The following RAB6B variants were observed in gnomAD, a reference collection of about 807,000 sequenced individuals.
RAB6B encodes RAB6B, member RAS oncogene family, also known as ras-related protein Rab-6B.
In RAB6B, 7 loss-of-function variants were observed where a neutral mutation model predicts 31.2. That is an observed-to-expected ratio of 0.22 (90% confidence interval 0.13 to 0.42). The LOEUF (loss-of-function observed/expected upper bound fraction) is 0.42, where lower values mean the gene tolerates loss of function less well. Among genes scored for constraint, RAB6B ranks in the 10% least tolerant of loss-of-function variants. The pLI, the probability that RAB6B is intolerant of heterozygous loss-of-function variation, is 1.00. For synonymous variants in RAB6B, 105 were observed against 104.9 expected (o/e 1.00, Z -0.01); for missense variants, 149 against 280.6 (o/e 0.53, Z 3.35).
At chr3:133,837,744 C>T (rs891662323) in intron 6 of RAB6B, among the ~76,000 whole-genome samples, 1 of 152,196 alleles carries the variant, frequency 6.6e-6, no homozygotes, top group Non-Finnish European at 1.5e-5. Flanking sequence ...TTGCCCTCCA[C>T]AGCCCTGAGC....
At chr3:133,865,700 A>T (rs1936228843) in intron 1 of RAB6B, among the ~76,000 whole-genome samples, 1 of 152,108 alleles carries the variant, frequency 6.6e-6, no homozygotes, top group African/African-American at 2.4e-5. Context: ...TCACCCTCCC[A>T]TTTCCCAGGC....
At chr3:133,835,615 T>A (rs1935723919) in intron 6 of RAB6B, among the ~76,000 whole-genome samples, 2 of 151,986 alleles carry the variant, frequency 1.3e-5, no homozygotes, top group Non-Finnish European at 2.9e-5. Flanking sequence ...CACAGAAGAC[T>A]CTGAACTGCT....
At chr3:133,873,221 A>T (rs542563156) in intron 1 of RAB6B, among the ~76,000 whole-genome samples, 1 of 152,346 alleles carries the variant, frequency 6.6e-6, no homozygotes, top group African/African-American at 2.4e-5. Context: ...TGTCATCACG[A>T]AAACTAAGAT....
chr3:133,866,937 T>C (rs9835459), intron 1 of RAB6B, among the ~76,000 whole-genome samples: 50,778 of 152,240 alleles, frequency 0.33, 9,906 homozygotes, highest in Non-Finnish European at 0.46. Flanking sequence ...GCATCAGGGA[T>C]CAGGGTGGGG....
intron 1 of RAB6B, among the ~76,000 whole-genome samples, chr3:133,878,101 G>A (rs1936420496): frequency 6.6e-6 from 1 of 152,080 alleles, no homozygotes; most frequent in Non-Finnish European, 1.5e-5. Context: ...GTCTTCAAAG[G>A]ATGAAGGGAG....
At chr3:133,865,411 T>G (rs1052196082) in intron 1 of RAB6B, among the ~76,000 whole-genome samples, 1 of 152,222 alleles carries the variant, frequency 6.6e-6, no homozygotes, top group African/African-American at 2.4e-5. Flanking sequence ...TTGTAGAATT[T>G]GGCTTCTGAC....
chr3:133,824,466 A>G lies in RAB6B; in HGVS notation c.*4322T>C, dbSNP rs1397726766. The G allele has an allele frequency of 6.6e-6, 1 of 152,206 alleles. No homozygotes were observed. Among genetic ancestry groups the G allele is most frequent in the Non-Finnish European group, 1.5e-5 (1 of 68,072 alleles). The allele number at this position is 152,206 out of a possible 1,614,324, so 9.4% of individuals were successfully genotyped here. ...GAGATGCAGGCTGGCCTTCAATGCT[A>G]TGGAGGCTTCCCACCTCCTGAAGGA... On this transcript the variant is annotated 3_prime_UTR_variant, in exon 8 of 8. Transcript: ENST00000285208.
At chr3:133,888,874 C>G (rs543493947) in intron 1 of RAB6B, among the ~76,000 whole-genome samples, 1 of 152,164 alleles carries the variant, frequency 6.6e-6, no homozygotes, top group South Asian at 2.1e-4. Context: ...AGTCCCCAGG[C>G]CCTGCTTGGA....
chr3:133,890,663 A>T (rs1936624608), intron 1 of RAB6B, among the ~76,000 whole-genome samples: 1 of 152,256 alleles, frequency 6.6e-6, no homozygotes, highest in Non-Finnish European at 1.5e-5. Context: ...TTCACTTTTA[A>T]TCTACTGATG....
intron 1 of RAB6B, among the ~76,000 whole-genome samples, chr3:133,867,211 C>A (rs998650718): frequency 2.6e-5 from 4 of 152,162 alleles, no homozygotes; most frequent in Non-Finnish European, 5.9e-5. Context: ...GCAGGAGGAG[C>A]TTTTAGGTGT....
intron 3 of RAB6B, 26 bp from the exon 4 acceptor site, chr3:133,841,416 G>A: frequency 6.2e-7 from 1 of 1,611,672 alleles, no homozygotes; most frequent in Non-Finnish European, 8.5e-7. Context: ...CAGGACCATG[G>A]GCAGAGGGGT....
intron 1 of RAB6B, among the ~76,000 whole-genome samples, chr3:133,866,627 C>A (rs1190430584): frequency 6.6e-6 from 1 of 152,246 alleles, no homozygotes; most frequent in Non-Finnish European, 1.5e-5. Context: ...AAAGAGCATT[C>A]TGACTGCTTT....
At chr3:133,828,973 C>T (rs1037459096) in intron 7 of RAB6B, 121 bp from the exon 8 acceptor site, 21 of 951,660 alleles carry the variant, frequency 2.2e-5, no homozygotes, top group Non-Finnish European at 2.9e-5. Flanking sequence ...GGACTTGGCT[C>T]TTGGTTTGGC....
rs1206121921 is a variant in RAB6B, at chr3:133,895,654, G to A, written c.-188C>T. The A allele has an allele frequency of 8.2e-6, 5 of 610,582 alleles. No homozygotes were observed. Among genetic ancestry groups the A allele is most frequent in the African/African-American group, 1.9e-5 (1 of 52,962 alleles). The allele number at this position is 610,582 out of a possible 1,614,324, so 37.8% of individuals were successfully genotyped here. A position where few individuals can be genotyped will look rare whatever the true frequency, so the allele number is the denominator to read the frequency against. ...TGCGGCTGCGTGTCCGGCGGCGGAG[G>A]AGGAGGAGGAGAGAGAGGCGGAGGC... is the stretch of plus-strand genomic sequence containing the variant. On this transcript the variant is annotated 5_prime_UTR_variant, in exon 1 of 8. Transcript: ENST00000285208.
chr3:133,859,151 A>T (rs184701045), intron 2 of RAB6B, among the ~76,000 whole-genome samples: 25 of 152,252 alleles, frequency 1.6e-4, no homozygotes, highest in African/African-American at 4.3e-4. Context: ...ACTAATTTTT[A>T]AAAAATTTAT....
intron 2 of RAB6B, among the ~76,000 whole-genome samples, chr3:133,863,785 CTCTA>C (rs558259325): frequency 9.1e-4 from 138 of 152,282 alleles, no homozygotes; most frequent in East Asian, 4.6e-3. Flanking sequence ...TATCATTTGT[CTCTA>C]TCTAAGGAAT....
chr3:133,854,494 A>C (rs1936047173), intron 2 of RAB6B, among the ~76,000 whole-genome samples: 1 of 152,220 alleles, frequency 6.6e-6, no homozygotes, highest in Non-Finnish European at 1.5e-5. Context: ...CACCTCCTGC[A>C]CTGCACCATG....
chr3:133,834,468 G>A (rs1007582772), intron 7 of RAB6B, 107 bp downstream of exon 7: 11 of 1,260,866 alleles, frequency 8.7e-6, no homozygotes, highest in Non-Finnish European at 1.2e-5. Flanking sequence ...GCAGACCAGG[G>A]AAGGCTGGGC....
At chr3:133,828,881 C>T in intron 7 of RAB6B, 29 bp from the exon 8 acceptor site, 1 of 1,571,038 alleles carries the variant, frequency 6.4e-7, no homozygotes, top group Non-Finnish European at 8.7e-7. Flanking sequence ...AGGAAGATGA[C>T]TCTCCTGGAC....
Sources: allele counts gnomAD v4.1 joint callset (sites outside exome capture counted in the v4.1 genomes callset), GRCh38; gene constraint gnomAD v4.1.1; transcripts MANE v1.5; gene names NCBI Gene and HGNC (gene_info 2026-07-23, HGNC 2026-07-21).